STARD8: variants seen among roughly 807,000 people sequenced by gnomAD.
STARD8 encodes StAR related lipid transfer domain containing 8.
A neutral mutation model predicts 69.4 loss-of-function variants in STARD8; 25 were observed. The observed-to-expected ratio is 0.36, with a 90% CI of 0.26 to 0.50. The LOEUF (loss-of-function observed/expected upper bound fraction) is 0.50. STARD8 is among the 20% of genes least tolerant of loss of function. STARD8 has a pLI of 0.96. For synonymous variants in STARD8, 389 were observed against 374.6 expected, an observed-to-expected ratio of 1.04 and a Z score of -0.45; for missense variants, 921 against 932.5, an observed-to-expected ratio of 0.99 and a Z score of 0.16.
chrX:68,708,449 G>C (rs2147922695), intron 2 of STARD8, among the ~76,000 whole-genome samples: 1 of 112,442 alleles, frequency 8.9e-6, no homozygotes, highest in Admixed American at 9.3e-5. Flanking sequence ...GCTCTGTGCT[G>C]TCTCTGGGAC....
At chrX:68,719,472 G>A in intron 7 of STARD8, 74 bp downstream of exon 7, 1 of 1,056,751 alleles carries the variant, frequency 9.5e-7, no homozygotes, top group South Asian at 2.8e-5. Context: ...GGTCAGCCCA[G>A]GAGGTGGGTG....
intron 1 of STARD8, among the ~76,000 whole-genome samples, chrX:68,660,618 G>A (rs1412178687): frequency 8.9e-6 from 1 of 112,449 alleles, no homozygotes. Context: ...ACTGTGAGCT[G>A]CTCTAAGAAA....
chrX:68,711,978 G>T (rs183961321), intron 2 of STARD8, among the ~76,000 whole-genome samples: 83 of 112,872 alleles, frequency 7.4e-4, no homozygotes, highest in African/African-American at 2.5e-3. Context: ...GCAAATAACC[G>T]CCCAGGCAGG....
chrX:68,678,489 T>C (rs963153094), intron 2 of STARD8, among the ~76,000 whole-genome samples: 1 of 112,313 alleles, frequency 8.9e-6, no homozygotes, highest in Non-Finnish European at 1.9e-5. Flanking sequence ...AGCTACCTTA[T>C]AAGTTACCAC....
intron 1 of STARD8, among the ~76,000 whole-genome samples, chrX:68,660,273 A>ACCTCTC: frequency 8.9e-6 from 1 of 111,853 alleles, no homozygotes; most frequent in African/African-American, 3.3e-5. Context: ...GAAGACTAAG[A>ACCTCTC]ATTGTCAGGC....
Position 68,694,038 on chromosome X carries a change from G to C in STARD8, c.80-18876G>C, listed in dbSNP as rs967081133. On this transcript the variant is annotated intron_variant, in intron 2 of 14. Transcript: ENST00000374599. ...GAATCGCCGAAATTGGGGGACCCCC[G>C]AGCGCGCCAGCCGCGCGTCTTCCAG... 3.5e-5 allele frequency among the ~76,000 whole-genome samples: 4 copies of C among 113,285 alleles called. No homozygotes were observed. The South Asian group carries it at 1.4e-3, about 40-fold the overall frequency.
At position 68,718,413 on chromosome X, in the gene STARD8, A is replaced by G. The variant is rs770627461; in HGVS notation, c.1499A>G (p.Glu500Gly). ...GCCCCAGCCCAGGACAGTGAGCAGGAGGCACATTCAGGCGGGGAACCCACC... is the reference window on the plus strand; with the variant it reads ...GCCCCAGCCCAGGACAGTGAGCAGGGGGCACATTCAGGCGGGGAACCCACC... Reference protein sequence around the residue: ...APAPAQDSEQEAHSGGEPTFA... With the variant: ...APAPAQDSEQGAHSGGEPTFA... Residue 500 changes from glutamate (E) to glycine (G), a missense_variant, in exon 6 of 15, where the codon GAG becomes GGG. By Grantham distance (98) the Glu-to-Gly change is moderately conservative. Transcript: ENST00000374599. The G allele has an allele frequency of 3.3e-6, 4 of 1,209,939 alleles. No homozygotes were observed. The highest frequency in any genetic ancestry group is 4.5e-6 in the Non-Finnish European group (4 of 894,665).
rs780204209 is a variant in STARD8 at position 68,653,757 on chromosome X, A to C, written c.45+5830A>C. Among the ~76,000 whole-genome samples, 251 of 102,439 alleles carry C rather than the reference A, an allele frequency of 2.5e-3. 1 individual carries two copies. The highest frequency in any genetic ancestry group is 8.5e-3 in the African/African-American group (235 of 27,706). The allele number at this position is 102,439 out of a possible 115,157, so 89.0% of individuals were successfully genotyped here. ...CACACCACACGCCACACACACACAC[A>C]CCCCACACATCACACATACCACAAA... On this transcript the variant is annotated intron_variant, in intron 1 of 14. Transcript: ENST00000374599.
chrX:68,706,177 G>A (rs765525070), intron 2 of STARD8, among the ~76,000 whole-genome samples: 2 of 112,081 alleles, frequency 1.8e-5, no homozygotes, highest in South Asian at 3.7e-4. Context: ...AGTTCTGCCC[G>A]GTGACCTAAC....
intron 3 of STARD8, 57 bp downstream of exon 3, chrX:68,713,042 C>T: frequency 9.2e-7 from 1 of 1,083,132 alleles, no homozygotes; most frequent in Non-Finnish European, 1.3e-6. Context: ...AGTTTTTCAT[C>T]TGTTAGATGG....
intron 2 of STARD8, among the ~76,000 whole-genome samples, chrX:68,694,658 G>C (rs763950233): frequency 1.4e-4 from 16 of 111,419 alleles, no homozygotes; most frequent in Non-Finnish European, 3.8e-5. Context: ...TATCTAAAGG[G>C]CCCGGTCTCT....
At chrX:68,680,035 G>A (rs931054522) in intron 2 of STARD8, among the ~76,000 whole-genome samples, 11 of 112,052 alleles carry the variant, frequency 9.8e-5, no homozygotes, top group African/African-American at 2.6e-4. Flanking sequence ...GAAACTGTGC[G>A]TCGCCAACTT....
At chrX:68,714,812 C>T (rs1355721839) in intron 3 of STARD8, among the ~76,000 whole-genome samples, 1 of 111,962 alleles carries the variant, frequency 8.9e-6, no homozygotes, top group Non-Finnish European at 1.9e-5. Flanking sequence ...CAACTCCTTT[C>T]TTTCCCCTCT....
intron 2 of STARD8, among the ~76,000 whole-genome samples, chrX:68,673,565 A>C (rs1379960511): frequency 8.9e-6 from 1 of 112,007 alleles, no homozygotes; most frequent in Non-Finnish European, 1.9e-5. Context: ...CAACAACAAA[A>C]CAACCTTCCA....
intron 2 of STARD8, among the ~76,000 whole-genome samples, chrX:68,709,780 G>A (rs1445022899): frequency 1.8e-5 from 2 of 109,797 alleles, no homozygotes; most frequent in Admixed American, 9.7e-5. Context: ...CTGTGATAGC[G>A]CCACTGCACT....
intron 2 of STARD8, among the ~76,000 whole-genome samples, chrX:68,692,780 C>G (rs2079885652): frequency 8.9e-6 from 1 of 112,382 alleles, no homozygotes; most frequent in South Asian, 3.7e-4. Flanking sequence ...ATTTTCTTGA[C>G]CACAGGAGTT....
intron 2 of STARD8, among the ~76,000 whole-genome samples, chrX:68,671,697 GGTTCCAGCCAAT>G (rs2147885834): frequency 8.9e-6 from 1 of 112,288 alleles, no homozygotes; most frequent in African/African-American, 3.2e-5. Flanking sequence ...AGGATCCAGT[GGTTCCAGCCAAT>G]GGTGCAGATC....
intron 1 of STARD8, among the ~76,000 whole-genome samples, chrX:68,653,348 A>C (rs1602536343): frequency 3.3e-5 from 1 of 30,661 alleles, no homozygotes; most frequent in Non-Finnish European, 5.9e-5. Context: ...CACCACACAC[A>C]CCCCACACAC....
Position 68,699,422 on chromosome X carries a change from G to A in STARD8, c.80-13492G>A, listed in dbSNP as rs144211820. 2.2e-3 allele frequency among the ~76,000 whole-genome samples: 248 copies of A among 112,438 alleles called. 7 individuals are homozygous for A. In the East Asian group the frequency reaches 0.062, roughly 28 times the overall value. Reference sequence around the variant, plus strand: ...CAAGTTGCTTTCGTCTTTGGAATGTGTGAAAGTTTTCTCTTATGTTGAACT... The same window carrying A: ...CAAGTTGCTTTCGTCTTTGGAATGTATGAAAGTTTTCTCTTATGTTGAACT... On this transcript the variant is annotated intron_variant, in intron 2 of 14. Transcript: ENST00000374599.
Sources: allele counts gnomAD v4.1 joint callset (sites outside exome capture counted in the v4.1 genomes callset), GRCh38; gene constraint gnomAD v4.1.1; transcripts MANE v1.5; gene names NCBI Gene and HGNC (gene_info 2026-07-23, HGNC 2026-07-21).